Variants in EFEMP1 observed in about 807,000 individuals in gnomAD.
EFEMP1 encodes the protein EGF-containing fibulin-like extracellular matrix protein 1.
EFEMP1 carries 18 observed loss-of-function variants against 65.7 expected under a neutral mutation model. The observed-to-expected ratio is 0.27, with a 90% CI of 0.19 to 0.41. The LOEUF (loss-of-function observed/expected upper bound fraction) is 0.41, where lower values mean the gene tolerates loss of function less well. Among genes scored for constraint, EFEMP1 ranks in the 10% least tolerant of loss-of-function variants. EFEMP1 has a pLI of 1.00. For missense variants in EFEMP1, 469 were observed against 624.8 expected, an observed-to-expected ratio of 0.75 and a Z score of 2.66; for synonymous variants, 237 against 219.7, an observed-to-expected ratio of 1.08 and a Z score of -0.70.
chr2:55,878,619 A>G (rs1162133998), intron 6 of EFEMP1, among the ~76,000 whole-genome samples: 1 of 152,178 alleles, frequency 6.6e-6, no homozygotes, highest in Non-Finnish European at 1.5e-5. Flanking sequence ...ACCATTATGC[A>G]TATACAATGT....
At position 55,866,583 on chromosome 2, in the gene EFEMP1, C is replaced by A. The variant is rs1668585845; in HGVS notation, c.*490G>T. On this transcript the variant is annotated 3_prime_UTR_variant, in exon 12 of 12. Coordinates refer to ENST00000355426, the MANE Select transcript of EFEMP1 (RefSeq NM_001039348.3). ...TTTAGGCTGGATATGAAAATAAAAA[C>A]CAACACAAATATGGCAGATCCCCAT... 1 of 156,200 alleles carries A rather than the reference C, an allele frequency of 6.4e-6. No homozygotes were observed. The highest frequency in any genetic ancestry group is 1.9e-4 in the East Asian group (1 of 5,348). 9.7% of individuals were successfully genotyped at this position (156,200 alleles called of 1,614,324 possible).
At position 55,870,411 on chromosome 2, in the gene EFEMP1, A is replaced by T. The variant is rs1668758608; in HGVS notation, c.1320+309T>A. 6.6e-6 allele frequency among the ~76,000 whole-genome samples: 1 copy of T among 152,060 alleles called. No homozygotes were observed. Among genetic ancestry groups the T allele is most frequent in the Admixed American group, 6.6e-5 (1 of 15,252 alleles). ...ATGGGAGGCTTGTATTTTCGTGGTC[A>T]CACACAACTCTATCAGAGTCTGCCA... is the stretch of plus-strand genomic sequence containing the variant. On this transcript the variant is annotated intron_variant, in intron 11 of 11. Coordinates refer to ENST00000355426, the MANE Select transcript of EFEMP1 (RefSeq NM_001039348.3). This position sits in a 1 kb window ranked among gnomAD's most constrained non-coding sequence, Gnocchi z 5.8.
At position 55,867,092 on chromosome 2, in the gene EFEMP1, A is replaced by G. The variant is rs746180588; in HGVS notation, c.1463T>C (p.Val488Ala). The change falls in exon 12 of 12, where the codon GTG becomes GCG. Residue 488 changes from valine to alanine, a missense_variant. Physicochemically the swap from Val to Ala is moderately conservative, Grantham distance 64. Around this residue, in one of 3 missense-constraint regions of EFEMP1, gnomAD observed 399 missense variants for 528.2 expected, o/e 0.76. Transcript: ENST00000355426. The surrounding 1 kb of genome is among the most constrained non-coding windows in gnomAD (Gnocchi z 4.3). ...AAAAGACTAAAATGAAAATGGCCCC[A>G]CTATTATTGTCAATCTTAACACAGA... ...TSSVLRLTII[V>A]GPFSF The G allele has an allele frequency of 6.2e-7, 1 of 1,612,928 alleles. No individual in the cohort carries two copies. The highest frequency in any genetic ancestry group is 8.5e-7 in the Non-Finnish European group (1 of 1,179,830).
chr2:55,907,087 G>A (rs530882744), intron 5 of EFEMP1, among the ~76,000 whole-genome samples: 1 of 152,270 alleles, frequency 6.6e-6, no homozygotes, highest in South Asian at 2.1e-4. Context: ...TCTTGTGATA[G>A]GTAAACACAT....
chr2:55,877,879 C>G lies in EFEMP1; in HGVS notation c.641-14G>C. On this transcript the variant is annotated splice_polypyrimidine_tract_variant and intron_variant, in intron 6 of 11. Transcript: ENST00000355426. This position sits in a 1 kb window ranked among gnomAD's most constrained non-coding sequence, Gnocchi z 4.5. ...ATTCATCTATGTCTAGGTTATCAGG[C>G]ACACACACAAAGAGAACCAAATTAT... 1 of 1,612,542 alleles carries G rather than the reference C, an allele frequency of 6.2e-7. No individual in the cohort carries two copies. The highest frequency in any genetic ancestry group is 2.2e-5 in the East Asian group (1 of 44,820).
rs1412381659 is a variant in EFEMP1, at chr2:55,871,507, T to G, written c.1001-384A>C. Among the ~76,000 whole-genome samples the G allele has an allele frequency of 1.3e-5, 2 of 152,094 alleles. No homozygotes were observed. The highest frequency in any genetic ancestry group is 3.9e-4 in the East Asian group (2 of 5,180). On this transcript the variant is annotated intron_variant, in intron 9 of 11. Coordinates refer to ENST00000355426, the MANE Select transcript of EFEMP1 (RefSeq NM_001039348.3). The surrounding 1 kb of genome is among the most constrained non-coding windows in gnomAD (Gnocchi z 4.2). ...AAGTAAAATGGAATTAAGTAAGAGA[T>G]AGATAAGTATACTGGGGCATGTGGA...
chr2:55,872,638 A>G (rs905191821), intron 9 of EFEMP1, among the ~76,000 whole-genome samples: 4 of 151,970 alleles, frequency 2.6e-5, no homozygotes, highest in African/African-American at 9.7e-5. Context: ...ACTTTGGAGG[A>G]AAAAAAAGTA....
Position 55,876,692 on chromosome 2 carries a change from T to C in EFEMP1, c.811A>G (p.Ile271Val), listed in dbSNP as rs1572791846. The change falls in exon 8 of 12, where the codon ATT (isoleucine) becomes GTT (valine). Residue 271 changes from isoleucine (I) to valine (V), a missense_variant. Ile to Val is a conservative substitution (Grantham distance 29). This residue lies in a region of EFEMP1 where 399 missense variants were observed against 528.2 expected (regional missense o/e 0.76). Coordinates refer to ENST00000355426, the MANE Select transcript of EFEMP1 (RefSeq NM_001039348.3). ...CACTGACAGATGAATGAACCAAGAA[T>C]GTTGTAGCACTGCTGAGCACATTGA... ...SNQCAQQCYN[I>V]LGSFICQCNQ... 1.2e-6 allele frequency: 2 copies of C among 1,612,336 alleles called. No individual in the cohort carries two copies. The highest frequency in any genetic ancestry group is 1.7e-5 in the Admixed American group (1 of 59,896).
intron 8 of EFEMP1, 86 bp from the exon 9 acceptor site, chr2:55,875,151 A>T: frequency 2.0e-6 from 1 of 490,660 alleles, no homozygotes; most frequent in Non-Finnish European, 2.9e-6. Context: ...TAAATTATAT[A>T]TATATATAAA....
In EFEMP1 at chr2:55,922,341, A is replaced by G; in HGVS notation, c.81+19T>C. The G allele has an allele frequency of 6.2e-7, 1 of 1,612,486 alleles. No homozygotes were observed. Among genetic ancestry groups the G allele is most frequent in the Non-Finnish European group, 8.5e-7 (1 of 1,178,624 alleles). On this transcript the variant is annotated intron_variant, in intron 3 of 11. Transcript: ENST00000355426. The surrounding 1 kb of genome is among the most constrained non-coding windows in gnomAD (Gnocchi z 5.5). ...AATCCCGCTGAACCGTACTTATTTC[A>G]AATTCCATCACCCCTTACCGTGTAC...
At chr2:55,894,698 T>C (rs748538890) in intron 5 of EFEMP1, among the ~76,000 whole-genome samples, 2 of 152,238 alleles carry the variant, frequency 1.3e-5, no homozygotes, top group Non-Finnish European at 2.9e-5. Flanking sequence ...ATAGTTTCTT[T>C]GAATACAAAA....
At chr2:55,888,783 T>C (rs1669524251) in intron 5 of EFEMP1, among the ~76,000 whole-genome samples, 1 of 152,108 alleles carries the variant, frequency 6.6e-6, no homozygotes. Flanking sequence ...TACTAGAAAT[T>C]AAAGACCCTT....
chr2:55,878,874 T>C (rs1341851796), intron 6 of EFEMP1, among the ~76,000 whole-genome samples: 1 of 152,190 alleles, frequency 6.6e-6, no homozygotes, highest in East Asian at 1.9e-4. Context: ...GCAAAGTTAC[T>C]GGCACAAAGC....
intron 5 of EFEMP1, among the ~76,000 whole-genome samples, chr2:55,913,161 T>C (rs1240920518): frequency 6.6e-6 from 1 of 152,172 alleles, no homozygotes. Context: ...TTCACTCTTG[T>C]CTGTGAGGTG....
chr2:55,916,088 A>T (rs187308263), intron 5 of EFEMP1, among the ~76,000 whole-genome samples: 1 of 151,380 alleles, frequency 6.6e-6, no homozygotes, highest in Non-Finnish European at 1.5e-5. Flanking sequence ...TAAGAGTCAG[A>T]GCATGACAAG....
chr2:55,870,957 A>T lies in EFEMP1; in HGVS notation c.1125-42T>A. Reference sequence around the variant, plus strand: ...AAGTATTCAGCAGTTTGGCTTGGTAAGACCAGAAAATCCTCACTTTCAAAA... The same window carrying T: ...AAGTATTCAGCAGTTTGGCTTGGTATGACCAGAAAATCCTCACTTTCAAAA... On this transcript the variant is annotated intron_variant, in intron 10 of 11. Coordinates refer to ENST00000355426, the MANE Select transcript of EFEMP1 (RefSeq NM_001039348.3). The surrounding 1 kb of genome is among the most constrained non-coding windows in gnomAD (Gnocchi z 5.8). 6.2e-7 allele frequency: 1 copy of T among 1,613,734 alleles called. No individual in the cohort carries two copies. The highest frequency in any genetic ancestry group is 1.1e-5 in the South Asian group (1 of 91,076).
chr2:55,918,527 ATCT>A (rs1670796025), intron 3 of EFEMP1, among the ~76,000 whole-genome samples: 1 of 151,568 alleles, frequency 6.6e-6, no homozygotes, highest in African/African-American at 2.4e-5. Flanking sequence ...GCCCAGTACC[ATCT>A]TCTTTTCTGT....
At chr2:55,907,242 C>T (rs889259792) in intron 5 of EFEMP1, among the ~76,000 whole-genome samples, 1 of 152,138 alleles carries the variant, frequency 6.6e-6, no homozygotes, top group African/African-American at 2.4e-5. Flanking sequence ...ATAATGTGTG[C>T]ACATGTTTGT....
intron 5 of EFEMP1, among the ~76,000 whole-genome samples, chr2:55,895,671 A>T (rs1356142006): frequency 1.3e-5 from 2 of 151,318 alleles, no homozygotes; most frequent in African/African-American, 4.9e-5. Context: ...CCTCCGGAGT[A>T]GCTGGGACTA....
Sources: allele counts gnomAD v4.1 joint callset (sites outside exome capture counted in the v4.1 genomes callset), GRCh38; gene constraint gnomAD v4.1.1; regional missense constraint gnomAD v4.1.1; non-coding constraint Gnocchi (gnomAD v3.1); transcripts MANE v1.5; gene names NCBI Gene and HGNC (gene_info 2026-07-23, HGNC 2026-07-21).